LIMCH1: variants seen among roughly 807,000 people sequenced by gnomAD.
LIMCH1 encodes LIM and calponin homology domains 1, also known as LIM and calponin homology domains-containing protein 1.
LIMCH1 carries 113 observed loss-of-function variants against 176.5 expected under a neutral mutation model. The ratio of observed to expected loss-of-function variants is 0.64; its 90% CI spans 0.55 to 0.75. The LOEUF is 0.75. Among genes scored for constraint, LIMCH1 ranks in the 30% least tolerant of loss-of-function variants. The probability of loss-of-function intolerance (pLI) is 0.00; values close to 1 mark genes in which losing one functional copy is unlikely to be tolerated. For missense variants in LIMCH1, 1,674 were observed against 1,814.9 expected (o/e 0.92, Z 1.41); for synonymous variants, 619 against 645.9 (o/e 0.96, Z 0.63).
Position 41,582,231 on chromosome 4 carries a change from C to T in LIMCH1, c.-240-16689C>T, listed in dbSNP as rs183383319. On this transcript the variant is annotated intron_variant, in intron 1 of 31. Transcript: ENST00000503057. Reference sequence around the variant, plus strand: ...GGAAAACGAAGCCACAGGCTTTAACCGTAACCCAGAGCTGCATGTGTATGT... The same window carrying T: ...GGAAAACGAAGCCACAGGCTTTAACTGTAACCCAGAGCTGCATGTGTATGT... Among the ~76,000 whole-genome samples the T allele has an allele frequency of 3.1e-3, 467 of 152,222 alleles. 3 individuals carry two copies. Among genetic ancestry groups the T allele is most frequent in the South Asian group, 0.018 (88 of 4,826 alleles).
intron 1 of LIMCH1, among the ~76,000 whole-genome samples, chr4:41,561,284 T>G (rs540365729): frequency 3.3e-5 from 5 of 152,258 alleles, no homozygotes; most frequent in Non-Finnish European, 7.3e-5. Context: ...TTAGTCTTGC[T>G]TCCTTGGCTG....
At chr4:41,447,881 C>T (rs1006206273) in intron 1 of LIMCH1, among the ~76,000 whole-genome samples, 2 of 152,142 alleles carry the variant, frequency 1.3e-5, no homozygotes, top group African/African-American at 2.4e-5. Flanking sequence ...ACCTCTGCCT[C>T]CTGGGTTCAA....
intron 1 of LIMCH1, among the ~76,000 whole-genome samples, chr4:41,540,888 C>G (rs2078552440): frequency 6.6e-6 from 1 of 152,170 alleles, no homozygotes; most frequent in Non-Finnish European, 1.5e-5. Flanking sequence ...GGCTGCTGGG[C>G]AGTGTGAATT....
chr4:41,655,547 T>C (rs1210305094), intron 18 of LIMCH1, among the ~76,000 whole-genome samples: 1 of 152,238 alleles, frequency 6.6e-6, no homozygotes, highest in Admixed American at 6.5e-5. Context: ...ATGAGATGAA[T>C]TGCTTTTAAT....
chr4:41,490,277 C>CTT (rs750458277), intron 1 of LIMCH1, among the ~76,000 whole-genome samples: 2 of 134,240 alleles, frequency 1.5e-5, no homozygotes, highest in African/African-American at 5.5e-5. Flanking sequence ...TTCTCCCTTT[C>CTT]TTTTTTTTTT....
At chr4:41,423,793 G>T (rs1030490656) in intron 1 of LIMCH1, among the ~76,000 whole-genome samples, 3 of 152,172 alleles carry the variant, frequency 2.0e-5, no homozygotes, top group Non-Finnish European at 4.4e-5. Flanking sequence ...CGGTGAAAGT[G>T]CTATAAAGGT....
At chr4:41,681,334 G>GA (rs1346618169) in intron 25 of LIMCH1, among the ~76,000 whole-genome samples, 1 of 152,128 alleles carries the variant, frequency 6.6e-6, no homozygotes, top group Non-Finnish European at 1.5e-5. Flanking sequence ...ACACCTGGCT[G>GA]GCAAGATCTC....
At chr4:41,400,665 T>C (rs1266414969) in intron 1 of LIMCH1, among the ~76,000 whole-genome samples, 1 of 149,732 alleles carries the variant, frequency 6.7e-6, no homozygotes, top group Non-Finnish European at 1.5e-5. Flanking sequence ...AATTTAAACA[T>C]TACTTGATGT....
chr4:41,663,222 C>T (rs998184519), intron 20 of LIMCH1, among the ~76,000 whole-genome samples: 1 of 150,780 alleles, frequency 6.6e-6, no homozygotes, highest in Admixed American at 6.6e-5. Flanking sequence ...GGTGTGATCT[C>T]TGCTCACCAC....
intron 1 of LIMCH1, among the ~76,000 whole-genome samples, chr4:41,406,051 A>C (rs1561266670): frequency 6.6e-6 from 1 of 152,192 alleles, no homozygotes; most frequent in African/African-American, 2.4e-5. Flanking sequence ...TGAGATGAAA[A>C]AAACACACAA....
chr4:41,464,283 A>G lies in LIMCH1; in HGVS notation c.97-30253A>G, dbSNP rs541320004. 1.7e-4 allele frequency among the ~76,000 whole-genome samples: 25 copies of G among 151,482 alleles called. No individual in the cohort carries two copies. In the South Asian group the frequency reaches 4.8e-3, roughly 29 times the overall value. The stretch of plus-strand genomic sequence containing the variant: ...GTGTGCATGCCATCTCCTCCCCTGG[A>G]AGGCTCTTCCCTCTTTACTTCCTTA... On this transcript the variant is annotated intron_variant, in intron 1 of 26. Coordinates refer to the LIMCH1 transcript ENST00000313860.
chr4:41,375,127 A>T (rs892698699), intron 1 of LIMCH1, among the ~76,000 whole-genome samples: 1 of 152,214 alleles, frequency 6.6e-6, no homozygotes, highest in Non-Finnish European at 1.5e-5. Flanking sequence ...CATTTTATTA[A>T]AAATGTGGTA....
chr4:41,483,457 T>G (rs2068992689), intron 1 of LIMCH1, among the ~76,000 whole-genome samples: 1 of 152,108 alleles, frequency 6.6e-6, no homozygotes, highest in South Asian at 2.1e-4. Context: ...AAGAATCTCT[T>G]TAGAGGTAGG....
chr4:41,641,114 C>G lies in LIMCH1; in HGVS notation c.2126+2147C>G, dbSNP rs1328864584. On this transcript the variant is annotated intron_variant, in intron 14 of 31. Transcript: ENST00000503057. ...CCGGCCCTCAAAAATGCCAACCCAC[C>G]ACCAAGGGAGACTCCTGGACTCTGC... is the stretch of plus-strand genomic sequence containing the variant. Among the ~76,000 whole-genome samples, 3 of 152,262 alleles carry G rather than the reference C, an allele frequency of 2.0e-5. No individual in the cohort carries two copies. The East Asian group carries it at 5.8e-4, about 29-fold the overall frequency.
chr4:41,373,123 G>T (rs895070354), intron 1 of LIMCH1, among the ~76,000 whole-genome samples: 2 of 152,202 alleles, frequency 1.3e-5, no homozygotes, highest in Admixed American at 1.3e-4. Flanking sequence ...AGAGCAAGTT[G>T]GTCTGGAACA....
intron 23 of LIMCH1, among the ~76,000 whole-genome samples, chr4:41,679,732 A>T (rs1255609459): frequency 6.6e-6 from 1 of 152,224 alleles, no homozygotes; most frequent in Admixed American, 6.5e-5. Flanking sequence ...GGAGTGAAGG[A>T]AGATTTTAGA....
chr4:41,414,976 C>G (rs2059800885), intron 1 of LIMCH1, among the ~76,000 whole-genome samples: 1 of 152,106 alleles, frequency 6.6e-6, no homozygotes, highest in South Asian at 2.1e-4. Context: ...TGTTTAATCT[C>G]TCTTAACCTC....
intron 1 of LIMCH1, among the ~76,000 whole-genome samples, chr4:41,413,899 G>A (rs957828572): frequency 5.3e-5 from 8 of 152,166 alleles, no homozygotes; most frequent in Non-Finnish European, 8.8e-5. Flanking sequence ...ATTAATGACT[G>A]AGGATTAGTA....
intron 1 of LIMCH1, among the ~76,000 whole-genome samples, chr4:41,556,240 C>T (rs982805283): frequency 6.6e-5 from 10 of 151,696 alleles, no homozygotes; most frequent in African/African-American, 2.4e-4. Context: ...ACTAAAAATA[C>T]AAAAATTAGC....
Sources: gnomAD v4.1 joint callset for allele counts (sites outside exome capture counted in the v4.1 genomes callset) on GRCh38, gnomAD v4.1.1 for gene constraint, MANE v1.5 for transcripts, NCBI Gene and HGNC (gene_info 2026-07-23, HGNC 2026-07-21) for gene names.